The following ANKS1B variants were observed in gnomAD, a reference collection of about 807,000 sequenced individuals.
ANKS1B encodes ankyrin repeat and sterile alpha motif domain-containing protein 1B.
ANKS1B carries 36 observed loss-of-function variants against 148.3 expected under a neutral mutation model. That is an observed-to-expected ratio of 0.24 (90% CI 0.19 to 0.32). The LOEUF is 0.32. Ranked by LOEUF, ANKS1B falls within the 10% of genes least tolerant of loss-of-function variation. ANKS1B has a pLI of 1.00. For missense variants in ANKS1B, 1,157 were observed against 1,542.6 expected (o/e 0.75, Z 4.19); for synonymous variants, 542 against 560.8 (o/e 0.97, Z 0.47).
intron 17 of ANKS1B, among the ~76,000 whole-genome samples, chr12:98,881,964 T>C (rs544020772): frequency 2.0e-5 from 3 of 152,258 alleles, no homozygotes; most frequent in East Asian, 1.9e-4. Flanking sequence ...GTAAGGCAAA[T>C]ATTATGGAAA....
At chr12:99,875,856 G>A (rs1258046292) in intron 1 of ANKS1B, among the ~76,000 whole-genome samples, 1 of 152,176 alleles carries the variant, frequency 6.6e-6, no homozygotes, top group Non-Finnish European at 1.5e-5. Flanking sequence ...GAAGCTTACA[G>A]TCTATTGACA....
chr12:99,441,190 TA>T (rs1175790373), intron 11 of ANKS1B, among the ~76,000 whole-genome samples: 3 of 151,928 alleles, frequency 2.0e-5, no homozygotes, highest in Non-Finnish European at 2.9e-5. Context: ...GTTAGAGTAT[TA>T]AACCTGTGAT....
At chr12:99,445,478 G>A (rs553094417) in intron 10 of ANKS1B, among the ~76,000 whole-genome samples, 2 of 152,034 alleles carry the variant, frequency 1.3e-5, no homozygotes, top group East Asian at 1.9e-4. Flanking sequence ...TGTATAAATC[G>A]AGAATGAACC....
intron 12 of ANKS1B, among the ~76,000 whole-genome samples, chr12:99,257,078 A>G (rs1294933366): frequency 6.6e-6 from 1 of 152,068 alleles, no homozygotes; most frequent in Non-Finnish European, 1.5e-5. Flanking sequence ...CCCGGTCTCT[A>G]CTAAAAATAC....
At position 99,942,889 on chromosome 12, in the gene ANKS1B, C is replaced by T. The variant is rs151204048; in HGVS notation, c.134+41215G>A. 9.5e-4 allele frequency among the ~76,000 whole-genome samples: 144 copies of T among 152,246 alleles called. 1 individual carries two copies. The highest frequency in any genetic ancestry group is 1.8e-3 in the Admixed American group (28 of 15,298). The stretch of plus-strand genomic sequence containing the variant: ...CAGAGTTTGGATGGAATTAATTCCA[C>T]TGCTACCAATGGTCTCAGAAATCAG... On this transcript the variant is annotated intron_variant, in intron 1 of 26. Coordinates refer to ENST00000683438, the MANE Select transcript of ANKS1B (RefSeq NM_001352186.2).
intron 14 of ANKS1B, among the ~76,000 whole-genome samples, chr12:99,174,507 T>A (rs1192972660): frequency 6.6e-6 from 1 of 152,214 alleles, no homozygotes; most frequent in Non-Finnish European, 1.5e-5. Flanking sequence ...CATTCAGAGT[T>A]GACCACATGA....
At chr12:99,751,880 T>C (rs994504929) in intron 8 of ANKS1B, among the ~76,000 whole-genome samples, 2 of 152,026 alleles carry the variant, frequency 1.3e-5, no homozygotes, top group African/African-American at 4.8e-5. Flanking sequence ...GAGCTAAGAT[T>C]AGAAGTAATG....
intron 4 of ANKS1B, among the ~76,000 whole-genome samples, chr12:99,786,540 A>G (rs2065027209): frequency 6.6e-6 from 1 of 152,224 alleles, no homozygotes; most frequent in Non-Finnish European, 1.5e-5. Context: ...AAGGATGTCT[A>G]ACTAGGTCTT....
chr12:98,947,067 G>A (rs1349375931), intron 17 of ANKS1B, among the ~76,000 whole-genome samples: 1 of 151,916 alleles, frequency 6.6e-6, no homozygotes, highest in African/African-American at 2.4e-5. Flanking sequence ...CCCTAAGTTG[G>A]AAGCTTGCTT....
intron 14 of ANKS1B, among the ~76,000 whole-genome samples, chr12:99,217,193 C>T (rs141088209): frequency 6.0e-4 from 92 of 152,222 alleles, no homozygotes; most frequent in Admixed American, 1.8e-3. Context: ...AAAAAATGTA[C>T]GTTAACCTCT....
At chr12:99,169,415 G>A (rs2077521054) in intron 14 of ANKS1B, among the ~76,000 whole-genome samples, 2 of 152,082 alleles carry the variant, frequency 1.3e-5, no homozygotes, top group African/African-American at 2.4e-5. Flanking sequence ...AAAGGATGAA[G>A]GAAAACTTCT....
At chr12:98,811,705 A>G (rs2099097635) in intron 19 of ANKS1B, among the ~76,000 whole-genome samples, 2 of 152,164 alleles carry the variant, frequency 1.3e-5, no homozygotes, top group African/African-American at 2.4e-5. Context: ...TGTTCTGCCT[A>G]TGTGGAGAGG....
chr12:99,441,805 C>T (rs1421127728), intron 11 of ANKS1B, among the ~76,000 whole-genome samples: 1 of 151,826 alleles, frequency 6.6e-6, no homozygotes, highest in Non-Finnish European at 1.5e-5. Context: ...TTTAATTCTA[C>T]CTCTAGATTT....
At chr12:99,843,974 T>C (rs2086197921) in intron 1 of ANKS1B, among the ~76,000 whole-genome samples, 1 of 152,272 alleles carries the variant, frequency 6.6e-6, no homozygotes, top group African/African-American at 2.4e-5. Flanking sequence ...TCTCATGTCG[T>C]TTAGATTTGC....
intron 12 of ANKS1B, among the ~76,000 whole-genome samples, chr12:99,286,187 T>G (rs995777468): frequency 1.1e-4 from 16 of 151,574 alleles, no homozygotes; most frequent in African/African-American, 2.9e-4. Flanking sequence ...GAGGAGGACT[T>G]CGTTTTTCAA....
intron 7 of ANKS1B, among the ~76,000 whole-genome samples, chr12:99,773,939 G>A (rs1447106585): frequency 6.6e-6 from 1 of 152,046 alleles, no homozygotes; most frequent in Non-Finnish European, 1.5e-5. Context: ...TTGGGAAAGT[G>A]GATAGCCACA....
At chr12:99,457,578 A>C (rs2152841643) in intron 10 of ANKS1B, among the ~76,000 whole-genome samples, 1 of 152,196 alleles carries the variant, frequency 6.6e-6, no homozygotes, top group South Asian at 2.1e-4. Flanking sequence ...TAAAGGGGTG[A>C]AAAAAGATAC....
chr12:99,465,161 T>C (rs543416901), intron 10 of ANKS1B, among the ~76,000 whole-genome samples: 20 of 152,310 alleles, frequency 1.3e-4, no homozygotes, highest in African/African-American at 4.3e-4. Flanking sequence ...GAAAAGAATT[T>C]TCAACCCAGA....
At chr12:99,004,080 G>C (rs1456040895) in intron 17 of ANKS1B, among the ~76,000 whole-genome samples, 1 of 152,128 alleles carries the variant, frequency 6.6e-6, no homozygotes, top group Non-Finnish European at 1.5e-5. Context: ...TGTGATGCTT[G>C]GATATAGGTC....
Sources: allele counts gnomAD v4.1 joint callset (sites outside exome capture counted in the v4.1 genomes callset), GRCh38; gene constraint gnomAD v4.1.1; transcripts MANE v1.5; gene names NCBI Gene and HGNC (gene_info 2026-07-23, HGNC 2026-07-21).